The following DNAH6 variants were observed in gnomAD, a reference collection of about 807,000 sequenced individuals.
DNAH6 encodes the protein dynein axonemal heavy chain 6.
Under a neutral mutation model 491.4 loss-of-function variants are expected in DNAH6, and 340 were observed. The observed-to-expected ratio is 0.69, with a 90% CI of 0.63 to 0.76. DNAH6 has a LOEUF of 0.76. Ranked by LOEUF, DNAH6 falls within the 30% of genes least tolerant of loss-of-function variation. The probability of loss-of-function intolerance (pLI) is 0.00; values close to 1 mark genes in which losing one functional copy is unlikely to be tolerated. For synonymous variants in DNAH6, 1,603 were observed against 1,686.1 expected (o/e 0.95, Z 1.21); for missense variants, 4,443 against 4,972.2 (o/e 0.89, Z 3.20).
At chr2:84,620,646 T>C (rs929349458) in intron 24 of DNAH6, among the ~76,000 whole-genome samples, 2 of 152,200 alleles carry the variant, frequency 1.3e-5, no homozygotes, top group Non-Finnish European at 2.9e-5. Context: ...ATAAACATTT[T>C]ATTTGTTCTG....
intron 75 of DNAH6, among the ~76,000 whole-genome samples, 189 bp downstream of exon 75, chr2:84,814,311 T>C (rs2105345331): frequency 6.6e-6 from 1 of 152,338 alleles, no homozygotes; most frequent in East Asian, 1.9e-4. Context: ...CCTAAACTAG[T>C]CTAAGTTATA....
chr2:84,659,961 A>G (rs78067734), intron 37 of DNAH6, among the ~76,000 whole-genome samples: 1,722 of 152,314 alleles, frequency 0.011, 32 homozygotes, highest in African/African-American at 0.04. Context: ...TGGCCTGGGC[A>G]ACAGAGCAAG....
At chr2:84,709,242 C>A in intron 54 of DNAH6, 101 bp from the exon 55 acceptor site, 1 of 1,203,362 alleles carries the variant, frequency 8.3e-7, no homozygotes, top group South Asian at 1.4e-5. Flanking sequence ...GAGGGCTTAG[C>A]TCTTCAGCCA....
At chr2:84,714,775 G>A (rs947137404) in intron 57 of DNAH6, among the ~76,000 whole-genome samples, 1 of 151,152 alleles carries the variant, frequency 6.6e-6, no homozygotes, top group African/African-American at 2.4e-5. Context: ...TGTAACAGGG[G>A]GCAAATTATC....
chr2:84,742,973 G>C (rs1319113044), intron 62 of DNAH6, among the ~76,000 whole-genome samples: 1 of 152,116 alleles, frequency 6.6e-6, no homozygotes, highest in Non-Finnish European at 1.5e-5. Flanking sequence ...TTAACTTATT[G>C]AAAAGTGCAT....
chr2:84,693,472 G>A (rs985628917), intron 45 of DNAH6, among the ~76,000 whole-genome samples: 1 of 152,064 alleles, frequency 6.6e-6, no homozygotes, highest in African/African-American at 2.4e-5. Flanking sequence ...GGCCGGGCGT[G>A]GTGGCTCATG....
chr2:84,651,102 A>AT lies in DNAH6; in HGVS notation c.5079-2215dup, dbSNP rs1214874387. On this transcript the variant is annotated intron_variant, in intron 33 of 76. Transcript: ENST00000389394. ...CTGGATAGAAGAGTAGAAGCGCCTC[A>AT]TTACTGTTCCCCACGTGACCTCCAC... is the stretch of plus-strand genomic sequence containing the variant. 2.0e-5 allele frequency among the ~76,000 whole-genome samples: 3 copies of AT among 152,112 alleles called. No individual in the cohort carries two copies. The South Asian group carries it at 6.2e-4, about 32-fold the overall frequency.
chr2:84,654,933 G>A (rs1558861155), intron 35 of DNAH6, among the ~76,000 whole-genome samples, 151 bp downstream of exon 35: 1 of 151,702 alleles, frequency 6.6e-6, no homozygotes, highest in Non-Finnish European at 1.5e-5. Flanking sequence ...TCCTGGAATC[G>A]TCCAGGAATG....
the DNAH6 span, among the ~76,000 whole-genome samples, chr2:84,482,216 G>A: frequency 6.6e-6 from 1 of 152,016 alleles, no homozygotes; most frequent in Non-Finnish European, 1.5e-5. Flanking sequence ...GGATCATAAC[G>A]CCTACCTCAC....
intron 63 of DNAH6, among the ~76,000 whole-genome samples, chr2:84,753,865 G>A (rs531919812): frequency 7.3e-5 from 10 of 137,708 alleles, no homozygotes; most frequent in African/African-American, 2.2e-4. Context: ...TCACTCTGTC[G>A]CCAGGCCGGA....
the DNAH6 span, among the ~76,000 whole-genome samples, chr2:84,478,590 A>G: frequency 2.0e-5 from 3 of 152,110 alleles, no homozygotes; most frequent in Non-Finnish European, 4.4e-5. Flanking sequence ...TTCTTTCCTC[A>G]TATTTGAGCC....
intron 18 of DNAH6, 145 bp from the exon 19 acceptor site, chr2:84,604,194 T>C: frequency 1.6e-6 from 1 of 644,122 alleles, no homozygotes; most frequent in South Asian, 2.1e-5. Flanking sequence ...AGTCATTAAT[T>C]TGCAGTCATC....
chr2:84,698,756 A>G (rs560599182), intron 47 of DNAH6, among the ~76,000 whole-genome samples: 1 of 152,362 alleles, frequency 6.6e-6, no homozygotes, highest in African/African-American at 2.4e-5. Context: ...TTGCAGCACT[A>G]TTCACAATAG....
chr2:84,732,448 C>T (rs1699202871), intron 61 of DNAH6, among the ~76,000 whole-genome samples: 1 of 152,064 alleles, frequency 6.6e-6, no homozygotes, highest in Non-Finnish European at 1.5e-5. Flanking sequence ...TATTATTCAA[C>T]CATAAGAAAG....
In DNAH6 at chr2:84,694,230, T is replaced by C. The variant is rs1393230886; in HGVS notation, c.7293-19T>C. 6.5e-7 allele frequency: 1 copy of C among 1,547,818 alleles called. No homozygotes were observed. The highest frequency in any genetic ancestry group is 1.4e-5 in the African/African-American group (1 of 72,974). On this transcript the variant is annotated intron_variant, in intron 45 of 76. Coordinates refer to ENST00000389394, the MANE Select transcript of DNAH6 (RefSeq NM_001370.2). ...ATGTCTGTGAACTTGAAATAAACCC[T>C]CTGCTCTGATGTTTGCAGGATTGCT...
chr2:84,469,720 G>A, the DNAH6 span, among the ~76,000 whole-genome samples: 3 of 151,992 alleles, frequency 2.0e-5, no homozygotes, highest in Non-Finnish European at 2.9e-5. This position sits in a 1 kb window ranked among gnomAD's most constrained non-coding sequence, Gnocchi z 4.0. Context: ...TTTTAGGGAG[G>A]AAAAAGCTCC....
intron 14 of DNAH6, among the ~76,000 whole-genome samples, chr2:84,583,375 A>G (rs936361734): frequency 3.9e-5 from 6 of 152,234 alleles, no homozygotes; most frequent in African/African-American, 1.4e-4. Context: ...GTTTAATACA[A>G]CAAAAGAACA....
chr2:84,697,414 A>G lies in DNAH6; in HGVS notation c.7525-161A>G, dbSNP rs372768482. 6.5e-4 allele frequency among the ~76,000 whole-genome samples: 99 copies of G among 152,342 alleles called. 1 individual carries two copies. The highest frequency in any genetic ancestry group is 2.3e-3 in the African/African-American group (96 of 41,590). On this transcript the variant is annotated intron_variant, in intron 46 of 76. Coordinates refer to ENST00000389394, the MANE Select transcript of DNAH6 (RefSeq NM_001370.2). ...AAACACAAAGGAAAAATGAAAAATC[A>G]GTGTACTTGCTATGTTAGAACTTCA...
At chr2:84,542,989 T>G (rs1187155729) in intron 4 of DNAH6, among the ~76,000 whole-genome samples, 1 of 152,132 alleles carries the variant, frequency 6.6e-6, no homozygotes, top group African/African-American at 2.4e-5. Flanking sequence ...TGAAACCCTA[T>G]CTCTACTAAA....
Sources: gnomAD v4.1 joint callset for allele counts (sites outside exome capture counted in the v4.1 genomes callset) on GRCh38, gnomAD v4.1.1 for gene constraint, Gnocchi (gnomAD v3.1) non-coding constraint, MANE v1.5 for transcripts, NCBI Gene and HGNC (gene_info 2026-07-23, HGNC 2026-07-21) for gene names.